The following SYTL5 variants were observed in gnomAD, a reference collection of about 807,000 sequenced individuals.
The protein encoded by SYTL5 is synaptotagmin-like protein 5.
SYTL5 carries 34 observed loss-of-function variants against 55.9 expected under a neutral mutation model. That is an observed-to-expected ratio of 0.61 (90% CI 0.46 to 0.81). SYTL5 has a LOEUF of 0.81. Ranked by LOEUF, SYTL5 falls within the 30% of genes least tolerant of loss-of-function variation. The probability of loss-of-function intolerance (pLI) is 0.00; values close to 1 mark genes in which losing one functional copy is unlikely to be tolerated. For missense variants in SYTL5, 637 were observed against 546.7 expected, an observed-to-expected ratio of 1.17 and a Z score of -1.65; for synonymous variants, 221 against 188.7, an observed-to-expected ratio of 1.17 and a Z score of -1.40.
rs191690185 is a variant in SYTL5 at position 38,061,184 on chromosome X, C to T, written c.329+6762C>T. 1.2e-4 allele frequency among the ~76,000 whole-genome samples: 14 copies of T among 112,125 alleles called. No homozygotes were observed. In the East Asian group the frequency reaches 3.9e-3, roughly 31 times the overall value. On this transcript the variant is annotated intron_variant, in intron 3 of 16. Coordinates refer to ENST00000297875, the MANE Select transcript of SYTL5 (RefSeq NM_138780.3). Reference sequence around the variant, plus strand: ...CAACTTGTCTTTTAGTTATATCCTTCTGTGACAGCTAGAAATTTACATGAT... The same window carrying T: ...CAACTTGTCTTTTAGTTATATCCTTTTGTGACAGCTAGAAATTTACATGAT...
At chrX:38,122,030 A>AT (rs750989279) in intron 14 of SYTL5, 50 bp from the exon 15 acceptor site, 1,182 of 1,036,916 alleles carry the variant, frequency 1.1e-3, no homozygotes, top group South Asian at 2.2e-3. Flanking sequence ...TGATTTATCT[A>AT]TTTTTTTTTC....
At chrX:38,113,812 C>T (rs1269129770) in intron 13 of SYTL5, among the ~76,000 whole-genome samples, 1 of 111,545 alleles carries the variant, frequency 9.0e-6, no homozygotes, top group Non-Finnish European at 1.9e-5. Flanking sequence ...GCTTGGTTTG[C>T]AGGCCAGAAA....
chrX:38,126,546 A>G, intron 16 of SYTL5, 42 bp from the exon 17 acceptor site: 1 of 1,203,607 alleles, frequency 8.3e-7, no homozygotes, highest in East Asian at 3.0e-5. Flanking sequence ...AGAGCAAAGC[A>G]TTTCATGTGT....
chrX:38,083,034 G>A (rs181088650), intron 6 of SYTL5, among the ~76,000 whole-genome samples: 2 of 111,586 alleles, frequency 1.8e-5, no homozygotes, highest in African/African-American at 6.5e-5. Context: ...GTAAGTATTT[G>A]TTCCATTTAG....
the SYTL5 span, among the ~76,000 whole-genome samples, chrX:37,914,655 G>A: frequency 1.8e-5 from 2 of 111,405 alleles, no homozygotes; most frequent in African/African-American, 3.3e-5. Context: ...TCTTGAATGC[G>A]GTGATGGGTT....
At chrX:37,973,141 T>C in the SYTL5 span, among the ~76,000 whole-genome samples, 1 of 102,788 alleles carries the variant, frequency 9.7e-6, no homozygotes, top group Non-Finnish European at 2.1e-5. Flanking sequence ...AGGAAATATA[T>C]TTTGGGGTTA....
chrX:37,998,309 G>A, the SYTL5 span, among the ~76,000 whole-genome samples: 3 of 112,425 alleles, frequency 2.7e-5, no homozygotes, highest in African/African-American at 9.7e-5. Flanking sequence ...CAAAGAGAAA[G>A]AGAGAAGAGT....
the SYTL5 span, among the ~76,000 whole-genome samples, chrX:37,891,437 G>C: frequency 2.7e-5 from 3 of 111,901 alleles, no homozygotes; most frequent in Non-Finnish European, 5.6e-5. Context: ...ACTCGGTAGA[G>C]GTAGAAAGTA....
chrX:38,039,202 G>C (rs147515919), intron 2 of SYTL5, among the ~76,000 whole-genome samples: 29 of 112,285 alleles, frequency 2.6e-4, no homozygotes, highest in African/African-American at 8.7e-4. Context: ...AAGCAGGAAG[G>C]AGTGGTAGGA....
At chrX:37,933,199 A>C in the SYTL5 span, among the ~76,000 whole-genome samples, 1,287 of 111,902 alleles carry the variant, frequency 0.012, 20 homozygotes, top group African/African-American at 0.038. Flanking sequence ...AATAATAAGA[A>C]CACTGAAAAA....
chrX:38,125,584 C>T, intron 16 of SYTL5, 78 bp downstream of exon 16: 1 of 729,829 alleles, frequency 1.4e-6, no homozygotes, highest in Non-Finnish European at 2.1e-6. Flanking sequence ...ATGTGATGTG[C>T]AGTGGATGTA....
chrX:38,111,137 G>T (rs757518071), intron 13 of SYTL5, among the ~76,000 whole-genome samples: 2 of 111,824 alleles, frequency 1.8e-5, no homozygotes, highest in Admixed American at 9.5e-5. Context: ...GGTGAGTAAA[G>T]GTCACATTTA....
chrX:38,077,404 C>T (rs1160753341), intron 6 of SYTL5, among the ~76,000 whole-genome samples: 5 of 111,477 alleles, frequency 4.5e-5, no homozygotes, highest in Non-Finnish European at 9.4e-5. Flanking sequence ...AACTCCCTTT[C>T]GTTTGCTTGT....
the SYTL5 span, among the ~76,000 whole-genome samples, chrX:37,895,433 C>CTTCCTTCCTTCT: frequency 5.5e-5 from 5 of 91,213 alleles, no homozygotes; most frequent in African/African-American, 2.7e-4. Context: ...TCCTTCCTTC[C>CTTCCTTCCTTCT]TTCCTTCCTT....
intron 1 of SYTL5, among the ~76,000 whole-genome samples, chrX:38,026,148 C>T (rs1317877038): frequency 1.8e-5 from 2 of 112,591 alleles, no homozygotes; most frequent in Non-Finnish European, 3.8e-5. Flanking sequence ...GAACAAACAA[C>T]TATTTTCATT....
In SYTL5 at chrX:38,076,036, T is replaced by A. The variant is rs1337552488; in HGVS notation, c.555-531T>A. Among the ~76,000 whole-genome samples, 7 of 111,805 alleles carry A rather than the reference T, an allele frequency of 6.3e-5. No homozygotes were observed. In the Admixed American group the frequency reaches 6.7e-4, roughly 11 times the overall value. On this transcript the variant is annotated intron_variant, in intron 5 of 16. Coordinates refer to ENST00000297875, the MANE Select transcript of SYTL5 (RefSeq NM_138780.3). ...TAAATGTCATGGAAGATAATAAAGA[T>A]GAGTTTAGTCATTCGTTCCACAAGA...
intron 6 of SYTL5, among the ~76,000 whole-genome samples, chrX:38,080,740 T>C (rs1285982555): frequency 1.8e-5 from 2 of 112,312 alleles, no homozygotes; most frequent in Admixed American, 1.9e-4. Context: ...ACCCATTCTA[T>C]CACTAAATGA....
At chrX:37,964,912 T>C in the SYTL5 span, among the ~76,000 whole-genome samples, 1 of 111,419 alleles carries the variant, frequency 9.0e-6, no homozygotes. Context: ...CTTCTGATTT[T>C]GTGGCAGGGG....
intron 9 of SYTL5, among the ~76,000 whole-genome samples, chrX:38,098,602 A>G (rs1313572724): frequency 9.0e-6 from 1 of 110,827 alleles, no homozygotes; most frequent in Non-Finnish European, 1.9e-5. Flanking sequence ...GTGGTAATGA[A>G]AAATGCTACC....
Sources: gnomAD v4.1 joint callset for allele counts (sites outside exome capture counted in the v4.1 genomes callset) on GRCh38, gnomAD v4.1.1 for gene constraint, MANE v1.5 for transcripts, NCBI Gene and HGNC (gene_info 2026-07-23, HGNC 2026-07-21) for gene names.